LNPK: variants seen among roughly 807,000 people sequenced by gnomAD.
LNPK encodes the protein lunapark, ER junction formation factor.
Under a neutral mutation model 55.2 loss-of-function variants are expected in LNPK, and 29 were observed. The ratio of observed to expected loss-of-function variants is 0.53; its 90% CI spans 0.39 to 0.72. The LOEUF is 0.72. Ranked by LOEUF, LNPK falls within the 30% of genes least tolerant of loss-of-function variation. LNPK has a pLI of 0.00. For missense variants in LNPK, 467 were observed against 494.8 expected, an observed-to-expected ratio of 0.94 and a Z score of 0.53; for synonymous variants, 162 against 168.2, an observed-to-expected ratio of 0.96 and a Z score of 0.29.
At chr2:175,970,587 T>A (rs984282153) in intron 6 of LNPK, among the ~76,000 whole-genome samples, 177 bp downstream of exon 6, 1 of 152,138 alleles carries the variant, frequency 6.6e-6, no homozygotes, top group African/African-American at 2.4e-5. Flanking sequence ...TCTAAACTAC[T>A]TTTTCCTGTC....
At position 175,992,381 on chromosome 2, in the gene LNPK, T is replaced by C. The variant is rs748381807; in HGVS notation, c.107A>G (p.Gln36Arg). Residue 36 changes from glutamine to arginine, a missense_variant, in exon 4 of 13, where the codon CAG becomes CGG. Transcript: ENST00000272748. ...TCCAACCCATAATTTTTGTAATCTC[T>C]GATTTTTTTCCCTAAATTCTTCCAA... ...QALEEFREKN[Q>R]RLQKLWVGRL... is the part of the protein sequence containing the mutation. 1.5e-5 allele frequency: 22 copies of C among 1,512,040 alleles called. No individual in the cohort carries two copies. In the East Asian group the frequency reaches 5.8e-4, roughly 40 times the overall value. 93.7% of individuals were successfully genotyped at this position (1,512,040 alleles called of 1,614,324 possible).
chr2:175,948,625 T>G (rs1685258551), intron 8 of LNPK, among the ~76,000 whole-genome samples: 2 of 152,256 alleles, frequency 1.3e-5, no homozygotes, highest in Non-Finnish European at 2.9e-5. Context: ...GCCTTTATAC[T>G]TTTTCAATTC....
Position 175,929,793 on chromosome 2 carries a change from A to C in LNPK, c.*174T>G. On this transcript the variant is annotated 3_prime_UTR_variant, in exon 13 of 13. Coordinates refer to ENST00000272748, the MANE Select transcript of LNPK (RefSeq NM_030650.3). ...ACTTCACTGATATAACTTGCTTTTAATTTTAATACCCAGTATATATAACTT... is the reference window on the plus strand; with the variant it reads ...ACTTCACTGATATAACTTGCTTTTACTTTTAATACCCAGTATATATAACTT... The C allele has an allele frequency of 7.0e-7, 1 of 1,428,878 alleles. No homozygotes were observed. The allele number at this position is 1,428,878 out of a possible 1,614,324, so 88.5% of individuals were successfully genotyped here.
chr2:175,971,006 T>C (rs1242711529), intron 5 of LNPK, among the ~76,000 whole-genome samples: 4 of 152,110 alleles, frequency 2.6e-5, no homozygotes, highest in Non-Finnish European at 5.9e-5. Context: ...TTATAGGCCA[T>C]TGAGGTGAAA....
In LNPK at chr2:175,993,236, C is replaced by A. The variant is rs368327580; in HGVS notation, c.28-13G>T. The A allele has an allele frequency of 1.3e-6, 2 of 1,515,850 alleles. No homozygotes were observed. Among genetic ancestry groups the A allele is most frequent in the Non-Finnish European group, 1.8e-6 (2 of 1,116,492 alleles). 93.9% of individuals were successfully genotyped at this position (1,515,850 alleles called of 1,614,324 possible). On this transcript the variant is annotated splice_polypyrimidine_tract_variant and intron_variant, in intron 2 of 12. Coordinates refer to ENST00000272748, the MANE Select transcript of LNPK (RefSeq NM_030650.3). ...TTGAAGGTTTTGTCTGTTATACAAA[C>A]AGAAACAAGAGACAGCATTAAAACT...
chr2:175,931,866 A>G (rs1018241620), intron 12 of LNPK, among the ~76,000 whole-genome samples: 19 of 152,190 alleles, frequency 1.2e-4, no homozygotes, highest in African/African-American at 4.1e-4. Flanking sequence ...TTATCCGTGG[A>G]AAACTTCAGG....
At chr2:175,985,488 CCTTTTA>C (rs2105699983) in intron 4 of LNPK, among the ~76,000 whole-genome samples, 1 of 152,234 alleles carries the variant, frequency 6.6e-6, no homozygotes, top group South Asian at 2.1e-4. Flanking sequence ...TTAATTAAAA[CCTTTTA>C]CTTTGTGGTA....
Position 175,929,389 on chromosome 2 carries a change from T to TA in LNPK, c.*577dup. ...CTGAGAATTCGTACCAGTGCCAACG[T>TA]AGTTACAGTTCTACTTAACTGTTCC... On this transcript the variant is annotated 3_prime_UTR_variant, in exon 13 of 13. Coordinates refer to ENST00000272748, the MANE Select transcript of LNPK (RefSeq NM_030650.3). The TA allele has an allele frequency of 2.2e-5, 22 of 985,592 alleles. No homozygotes were observed. Among genetic ancestry groups the TA allele is most frequent in the Non-Finnish European group, 2.7e-5 (22 of 829,672 alleles). 61.1% of individuals were successfully genotyped at this position (985,592 alleles called of 1,614,324 possible). A position where few individuals can be genotyped will look rare whatever the true frequency, so the allele number is the denominator to read the frequency against.
Position 175,924,330 on chromosome 2 carries a change from T to C in LNPK, c.*5637A>G, listed in dbSNP as rs898962048. On this transcript the variant is annotated 3_prime_UTR_variant, in exon 13 of 13. Coordinates refer to ENST00000272748, the MANE Select transcript of LNPK (RefSeq NM_030650.3). ...TTCTTTGGCCCTTCAACTAACTGAT[T>C]TGTACACAGATAATAAATCCAACAG... 3.9e-5 allele frequency: 6 copies of C among 152,248 alleles called. No homozygotes were observed. Among genetic ancestry groups the C allele is most frequent in the African/African-American group, 1.2e-4 (5 of 41,470 alleles). 9.4% of individuals were successfully genotyped at this position (152,248 alleles called of 1,614,324 possible). A position where few individuals can be genotyped will look rare whatever the true frequency, so the allele number is the denominator to read the frequency against.
At position 175,924,442 on chromosome 2, in the gene LNPK, G is replaced by A. The variant is rs926689483; in HGVS notation, c.*5525C>T. On this transcript the variant is annotated 3_prime_UTR_variant, in exon 13 of 13. Coordinates refer to ENST00000272748, the MANE Select transcript of LNPK (RefSeq NM_030650.3). ...ACTGGAAATAAAAGTAGACTTATAA[G>A]GTCTTATTTTTTAAATGAAACTTTA... 2.0e-5 allele frequency: 3 copies of A among 152,034 alleles called. No homozygotes were observed. Among genetic ancestry groups the A allele is most frequent in the Admixed American group, 6.6e-5 (1 of 15,262 alleles). 9.4% of individuals were successfully genotyped at this position (152,034 alleles called of 1,614,324 possible).
chr2:175,952,232 TAAGAGA>T (rs1360508568), intron 8 of LNPK, among the ~76,000 whole-genome samples: 2 of 151,904 alleles, frequency 1.3e-5, no homozygotes, highest in Admixed American at 6.6e-5. Flanking sequence ...CTAAGACTCA[TAAGAGA>T]AAATTTCAGA....
intron 4 of LNPK, among the ~76,000 whole-genome samples, chr2:175,982,880 G>A (rs1018909325): frequency 2.6e-5 from 4 of 152,034 alleles, no homozygotes; most frequent in African/African-American, 9.7e-5. Flanking sequence ...AGAGAATAGT[G>A]GCATAAGATC....
Position 175,929,745 on chromosome 2 carries a change from C to G in LNPK, c.*222G>C, listed in dbSNP as rs920119511. 10 of 1,392,944 alleles carry G rather than the reference C, an allele frequency of 7.2e-6. No individual in the cohort carries two copies. In the African/African-American group the frequency reaches 1.0e-4, roughly 14 times the overall value. 86.3% of individuals were successfully genotyped at this position (1,392,944 alleles called of 1,614,324 possible). On this transcript the variant is annotated 3_prime_UTR_variant, in exon 13 of 13. Coordinates refer to ENST00000272748, the MANE Select transcript of LNPK (RefSeq NM_030650.3). ...TAAAAGCTGTCTCAATAGTGTGGGTCTTTGTACATTCAAAAGGATCTTACT... is the reference window on the plus strand; with the variant it reads ...TAAAAGCTGTCTCAATAGTGTGGGTGTTTGTACATTCAAAAGGATCTTACT...
chr2:176,001,453 C>T (rs1242874423), intron 1 of LNPK, among the ~76,000 whole-genome samples: 1 of 152,168 alleles, frequency 6.6e-6, no homozygotes, highest in Non-Finnish European at 1.5e-5. Flanking sequence ...AATTTCAACT[C>T]TTTCTCAATC....
chr2:175,993,665 C>T (rs1260715986), intron 2 of LNPK, among the ~76,000 whole-genome samples: 1 of 151,998 alleles, frequency 6.6e-6, no homozygotes, highest in African/African-American at 2.4e-5. Context: ...TGGTGGCATG[C>T]GCTTGCAATC....
At chr2:175,972,182 C>T (rs1256823521) in intron 5 of LNPK, among the ~76,000 whole-genome samples, 5 of 152,068 alleles carry the variant, frequency 3.3e-5, no homozygotes, top group Non-Finnish European at 7.3e-5. Context: ...TCCCAAAGTG[C>T]TAGATTACAG....
At position 175,995,564 on chromosome 2, in the gene LNPK, T is replaced by A. The variant is rs1250761688; in HGVS notation, c.21A>T (p.Arg7=). 9 of 1,610,400 alleles carry A rather than the reference T, an allele frequency of 5.6e-6. No homozygotes were observed. The highest frequency in any genetic ancestry group is 1.7e-4 in the Middle Eastern group (1 of 6,056). MGGLFS[R]WRTKPSTVEV... is the part of the protein sequence containing the mutation. The stretch of plus-strand genomic sequence containing the variant: ...GTAAAGAAAAGTACCTTACCCTCCA[T>A]CGAGAAAATAATCCACCCATCTTTT... Residue 7 remains arginine (R), a synonymous_variant, in exon 2 of 13, where the codon CGA becomes CGT. Transcript: ENST00000272748.
In LNPK at chr2:175,925,277, C is replaced by G. The variant is rs953637573; in HGVS notation, c.*4690G>C. ...AAATAGCAACTTCAAGAATAAAAGG[C>G]CTAGCTTAACAAGAAGTAGCAAAAT... On this transcript the variant is annotated 3_prime_UTR_variant, in exon 13 of 13. Coordinates refer to ENST00000272748, the MANE Select transcript of LNPK (RefSeq NM_030650.3). 2.0e-5 allele frequency: 3 copies of G among 151,996 alleles called. No homozygotes were observed. The highest frequency in any genetic ancestry group is 2.9e-5 in the Non-Finnish European group (2 of 68,006). The allele number at this position is 151,996 out of a possible 1,614,324, so 9.4% of individuals were successfully genotyped here. A position where few individuals can be genotyped will look rare whatever the true frequency, so the allele number is the denominator to read the frequency against.
At chr2:175,961,924 A>G (rs996557997) in intron 8 of LNPK, among the ~76,000 whole-genome samples, 6 of 152,020 alleles carry the variant, frequency 3.9e-5, no homozygotes, top group Admixed American at 3.3e-4. Flanking sequence ...CAAACAGAGA[A>G]CCAAATCATG....
Sources: gnomAD v4.1 joint callset for allele counts (sites outside exome capture counted in the v4.1 genomes callset) on GRCh38, gnomAD v4.1.1 for gene constraint, MANE v1.5 for transcripts, NCBI Gene and HGNC (gene_info 2026-07-23, HGNC 2026-07-21) for gene names.